The following PDE1A variants were observed in gnomAD, a reference collection of about 807,000 sequenced individuals.
PDE1A encodes the protein phosphodiesterase 1A, also known as dual specificity calcium/calmodulin-dependent 3',5'-cyclic nucleotide phosphodiesterase 1A.
In PDE1A, 35 loss-of-function variants were observed where a neutral mutation model predicts 61.7. The observed-to-expected ratio is 0.57, with a 90% CI of 0.43 to 0.75. PDE1A has a LOEUF of 0.75. Among genes scored for constraint, PDE1A ranks in the 30% least tolerant of loss-of-function variants. The probability of loss-of-function intolerance (pLI) is 0.00; values close to 1 mark genes in which losing one functional copy is unlikely to be tolerated. For missense variants in PDE1A, 597 were observed against 630.6 expected, an observed-to-expected ratio of 0.95 and a Z score of 0.57; for synonymous variants, 232 against 213.2, an observed-to-expected ratio of 1.09 and a Z score of -0.77.
intron 2 of PDE1A, among the ~76,000 whole-genome samples, chr2:182,249,823 T>C (rs1691267752): frequency 6.6e-6 from 1 of 150,612 alleles, no homozygotes; most frequent in Admixed American, 6.7e-5. Context: ...AGGATCGATA[T>C]AGATGATAAT....
At chr2:182,177,294 C>T (rs187434632) in intron 13 of PDE1A, among the ~76,000 whole-genome samples, 8 of 152,112 alleles carry the variant, frequency 5.3e-5, no homozygotes, top group East Asian at 1.9e-4. Flanking sequence ...TGGTAGAATT[C>T]GGCTGTGAAT....
intron 1 of PDE1A, among the ~76,000 whole-genome samples, chr2:182,390,557 T>C (rs985798377): frequency 7.2e-5 from 11 of 152,138 alleles, no homozygotes; most frequent in Non-Finnish European, 1.5e-4. Flanking sequence ...TCCAGAAGCA[T>C]ATACTGAGCC....
At chr2:182,493,635 T>C (rs948617794) in intron 2 of PDE1A, among the ~76,000 whole-genome samples, 4 of 152,236 alleles carry the variant, frequency 2.6e-5, no homozygotes, top group Non-Finnish European at 5.9e-5. Context: ...AGTATGTTTA[T>C]TGCGGCATTA....
At chr2:182,354,976 A>G (rs1699093953) in intron 1 of PDE1A, among the ~76,000 whole-genome samples, 1 of 152,068 alleles carries the variant, frequency 6.6e-6, no homozygotes, top group East Asian at 1.9e-4. Context: ...CTTTTGATCC[A>G]TAATTAGTGA....
chr2:182,288,638 A>G (rs764898495), intron 1 of PDE1A, among the ~76,000 whole-genome samples: 4 of 152,050 alleles, frequency 2.6e-5, no homozygotes, highest in Non-Finnish European at 5.9e-5. Context: ...AACGCCAAGT[A>G]CAACTAGCTT....
At chr2:182,234,409 C>T (rs373143687) in intron 4 of PDE1A, 23 bp downstream of exon 4, 333 of 1,547,680 alleles carry the variant, frequency 2.2e-4, no homozygotes, top group Non-Finnish European at 2.7e-4. Context: ...ATTTTATACA[C>T]GAAAATAATG....
intron 2 of PDE1A, among the ~76,000 whole-genome samples, chr2:182,478,284 T>C (rs890998410): frequency 6.6e-6 from 1 of 151,880 alleles, no homozygotes; most frequent in Admixed American, 6.6e-5. Flanking sequence ...TCAATACATT[T>C]ATGATAAAAC....
chr2:182,311,633 T>C (rs1289021771), intron 1 of PDE1A, among the ~76,000 whole-genome samples: 1 of 152,204 alleles, frequency 6.6e-6, no homozygotes, highest in East Asian at 1.9e-4. Context: ...GAATAGCTCA[T>C]GTTATGGCCT....
At chr2:182,479,903 C>T (rs1469688823) in intron 2 of PDE1A, among the ~76,000 whole-genome samples, 1 of 151,838 alleles carries the variant, frequency 6.6e-6, no homozygotes, top group African/African-American at 2.4e-5. Context: ...AGTATGAATT[C>T]TGTCCTGTTG....
intron 1 of PDE1A, among the ~76,000 whole-genome samples, chr2:182,323,462 A>G (rs1033273404): frequency 2.0e-5 from 3 of 152,210 alleles, no homozygotes; most frequent in African/African-American, 4.8e-5. Flanking sequence ...GAGAGAGACT[A>G]TTAGGAAGTT....
intron 2 of PDE1A, among the ~76,000 whole-genome samples, chr2:182,478,862 T>C (rs1395165387): frequency 1.3e-5 from 2 of 151,938 alleles, no homozygotes; most frequent in Non-Finnish European, 2.9e-5. Context: ...ATCTAGCTTA[T>C]GACTTTAAAA....
downstream of PDE1A, among the ~76,000 whole-genome samples, chr2:182,163,549 C>T (rs553891479): frequency 1.3e-5 from 2 of 152,168 alleles, no homozygotes; most frequent in Non-Finnish European, 2.9e-5. Flanking sequence ...ATAAATCCAA[C>T]TAAACTTCAG....
At chr2:182,465,380 A>G (rs1338479899) in intron 2 of PDE1A, among the ~76,000 whole-genome samples, 3 of 152,068 alleles carry the variant, frequency 2.0e-5, no homozygotes, top group Non-Finnish European at 2.9e-5. Flanking sequence ...TGATTCAAAA[A>G]ACAGTTCAGA....
chr2:182,160,597 G>C, intron 13 of PDE1A, among the ~76,000 whole-genome samples: 2 of 152,190 alleles, frequency 1.3e-5, no homozygotes, highest in Middle Eastern at 6.8e-3. Context: ...CTCTAAGGCC[G>C]TTAGCCTCAG....
At chr2:182,282,281 TG>T (rs764393375) in intron 1 of PDE1A, among the ~76,000 whole-genome samples, 12 of 152,002 alleles carry the variant, frequency 7.9e-5, no homozygotes, top group Non-Finnish European at 1.3e-4. Context: ...CAAGAAGAGA[TG>T]ATCATTGTCA....
intron 1 of PDE1A, among the ~76,000 whole-genome samples, chr2:182,335,884 T>C (rs1440776222): frequency 6.6e-6 from 1 of 152,132 alleles, no homozygotes; most frequent in Non-Finnish European, 1.5e-5. Flanking sequence ...AATGGGCTAA[T>C]ATCCAGAATC....
chr2:182,566,788 T>G, the PDE1A span, among the ~76,000 whole-genome samples: 1 of 152,154 alleles, frequency 6.6e-6, no homozygotes, highest in East Asian at 1.9e-4. Flanking sequence ...CAGTTGTGAG[T>G]TGATTTTTCA....
At chr2:182,182,211 A>G (rs573152634) in intron 13 of PDE1A, among the ~76,000 whole-genome samples, 2 of 152,206 alleles carry the variant, frequency 1.3e-5, no homozygotes, top group African/African-American at 2.4e-5. Context: ...AATTTTACCT[A>G]TATACAAATA....
chr2:182,442,685 C>G (rs895097409), intron 2 of PDE1A, among the ~76,000 whole-genome samples: 5 of 151,906 alleles, frequency 3.3e-5, no homozygotes, highest in Non-Finnish European at 5.9e-5. Context: ...TCCTGGACTT[C>G]CCTGTACTAT....
Sources: allele counts gnomAD v4.1 joint callset (sites outside exome capture counted in the v4.1 genomes callset), GRCh38; gene constraint gnomAD v4.1.1; transcripts MANE v1.5; gene names NCBI Gene and HGNC (gene_info 2026-07-23, HGNC 2026-07-21).